Variants in SDK2 observed in about 807,000 individuals in gnomAD.
The protein encoded by SDK2 is sidekick cell adhesion molecule 2.
Under a neutral mutation model 253.9 loss-of-function variants are expected in SDK2, and 105 were observed. The observed-to-expected ratio is 0.41, with a 90% CI of 0.35 to 0.49. The LOEUF is 0.49. SDK2 is among the 20% of genes least tolerant of loss of function. The pLI is 0.06. For synonymous variants in SDK2, 1,249 were observed against 1,234.9 expected (o/e 1.01, Z -0.24); for missense variants, 2,608 against 3,003.0 (o/e 0.87, Z 3.07).
intron 1 of SDK2, among the ~76,000 whole-genome samples, chr17:73,528,057 G>A (rs2064140409): frequency 6.6e-6 from 1 of 152,146 alleles, no homozygotes; most frequent in Non-Finnish European, 1.5e-5. Flanking sequence ...ACCGCAGCTG[G>A]TTTGGAGAGA....
intron 1 of SDK2, among the ~76,000 whole-genome samples, chr17:73,576,724 A>G (rs144521146): frequency 6.6e-6 from 1 of 152,130 alleles, no homozygotes; most frequent in Non-Finnish European, 1.5e-5. Flanking sequence ...GCCAGTACCT[A>G]TAGGTCTCCC....
chr17:73,360,182 C>T (rs988667832), intron 39 of SDK2, among the ~76,000 whole-genome samples: 9 of 152,184 alleles, frequency 5.9e-5, no homozygotes, highest in Admixed American at 3.9e-4. Flanking sequence ...CAGCGCGGGG[C>T]GGGGCTGGAG....
chr17:73,483,278 G>A (rs900913045), intron 2 of SDK2, among the ~76,000 whole-genome samples: 6 of 150,850 alleles, frequency 4.0e-5, no homozygotes, highest in Non-Finnish European at 5.9e-5. Context: ...GGCGACCCGC[G>A]GACAACTCTG....
intron 29 of SDK2, among the ~76,000 whole-genome samples, chr17:73,389,775 A>C (rs768319670): frequency 5.3e-5 from 8 of 151,364 alleles, no homozygotes; most frequent in Non-Finnish European, 1.0e-4. Context: ...ATTTAGACAG[A>C]GTCTTGTTCT....
intron 33 of SDK2, 145 bp from the exon 34 acceptor site, chr17:73,381,095 C>T (rs1405718063): frequency 4.7e-6 from 3 of 635,598 alleles, no homozygotes; most frequent in Non-Finnish European, 5.7e-6. Context: ...TTCCAAATTT[C>T]CAATGCTGAG....
chr17:73,375,858 G>GA (rs1211045111), intron 36 of SDK2, among the ~76,000 whole-genome samples: 1 of 113,616 alleles, frequency 8.8e-6, no homozygotes, highest in East Asian at 4.5e-4. Context: ...TCCATCTCAG[G>GA]AAAAAAAAGA....
At chr17:73,444,445 G>A (rs777291420) in intron 5 of SDK2, among the ~76,000 whole-genome samples, 8 of 152,182 alleles carry the variant, frequency 5.3e-5, no homozygotes, top group Non-Finnish European at 7.4e-5. Context: ...GTGTCTTCCC[G>A]GTGAGCTCCT....
chr17:73,355,184 T>TTTTTTTTTTTTTTTTC (rs1568363079), intron 40 of SDK2, among the ~76,000 whole-genome samples: 5 of 44,770 alleles, frequency 1.1e-4, no homozygotes, highest in African/African-American at 9.3e-4. Flanking sequence ...ATTTTTTTTT[T>TTTTTTTTTTTTTTTTC]TTTTTTTTTT....
At chr17:73,634,409 A>G (rs1026520991) in intron 1 of SDK2, among the ~76,000 whole-genome samples, 1 of 152,252 alleles carries the variant, frequency 6.6e-6, no homozygotes, top group Non-Finnish European at 1.5e-5. Flanking sequence ...CAATGTTAAT[A>G]ACATTAATAC....
At position 73,443,040 on chromosome 17, in the gene SDK2, A is replaced by C. The variant is rs1470396784; in HGVS notation, c.614-2117T>G. On this transcript the variant is annotated intron_variant, in intron 5 of 44. Transcript: ENST00000392650. This position sits in a 1 kb window ranked among gnomAD's most constrained non-coding sequence, Gnocchi z 4.6. ...CTCTGAGGACTTTTTCTCCACAACA[A>C]ATCTATCCAGTTGGCCCCTTTCCAG... Among the ~76,000 whole-genome samples, 1 of 152,054 alleles carries C rather than the reference A, an allele frequency of 6.6e-6. No homozygotes were observed. The highest frequency in any genetic ancestry group is 1.9e-4 in the East Asian group (1 of 5,168).
intron 1 of SDK2, among the ~76,000 whole-genome samples, chr17:73,600,205 C>G (rs28702062): frequency 0.31 from 47,174 of 152,058 alleles, 7,926 homozygotes; most frequent in African/African-American, 0.45. Context: ...CTTCCTCGGT[C>G]CCATCCAGCA....
intron 1 of SDK2, among the ~76,000 whole-genome samples, chr17:73,557,010 G>A (rs1305351700): frequency 6.6e-6 from 1 of 152,228 alleles, no homozygotes; most frequent in South Asian, 2.1e-4. Flanking sequence ...GCTAGGCAAA[G>A]GCCACGCAGC....
chr17:73,436,078 A>G (rs2063365923), intron 8 of SDK2, among the ~76,000 whole-genome samples: 1 of 152,024 alleles, frequency 6.6e-6, no homozygotes, highest in Non-Finnish European at 1.5e-5. Flanking sequence ...TTATTGCAGT[A>G]CTTAGCAGAC....
Position 73,422,364 on chromosome 17 carries a change from A to G in SDK2, c.1968T>C (p.Val656=), listed in dbSNP as rs141747864. The G allele has an allele frequency of 6.2e-7, 1 of 1,613,978 alleles. No homozygotes were observed. The highest frequency in any genetic ancestry group is 8.5e-7 in the Non-Finnish European group (1 of 1,179,886). ...GACGGAACTGGTAGGAGCGTGCAGG[A>G]ACCAGGCCCTTGACTGTCACTGAGG... ...KATSVTVKGL[V]PARSYQFRLC... The change falls in exon 15 of 45, where the codon GTT becomes GTC. Residue 656 remains valine (V), a synonymous_variant. Coordinates refer to ENST00000392650, the MANE Select transcript of SDK2 (RefSeq NM_001144952.2).
chr17:73,526,509 A>C (rs1205638310), intron 1 of SDK2, among the ~76,000 whole-genome samples: 3 of 152,186 alleles, frequency 2.0e-5, no homozygotes, highest in Admixed American at 6.5e-5. Context: ...TCAATGAATC[A>C]ATGAATGAAT....
At chr17:73,510,649 A>G (rs1246198980) in intron 1 of SDK2, among the ~76,000 whole-genome samples, 1 of 152,006 alleles carries the variant, frequency 6.6e-6, no homozygotes, top group Non-Finnish European at 1.5e-5. Context: ...ACAGGCGTGC[A>G]CCACCAGCTA....
rs540820542 is a variant in SDK2, at chr17:73,379,949, C to T, written c.4763-400G>A. 6.6e-6 allele frequency among the ~76,000 whole-genome samples: 1 copy of T among 152,154 alleles called. No individual in the cohort carries two copies. Among genetic ancestry groups the T allele is most frequent in the South Asian group, 2.1e-4 (1 of 4,830 alleles). On this transcript the variant is annotated intron_variant, in intron 34 of 44. Transcript: ENST00000392650. This position sits in a 1 kb window ranked among gnomAD's most constrained non-coding sequence, Gnocchi z 4.5. ...CGTGACAGATGCCCAGAGTCCCCAT[C>T]CACCAACTCTTTACACAGCGGGGCT...
chr17:73,489,832 T>C (rs1292459567), intron 2 of SDK2, among the ~76,000 whole-genome samples: 2 of 152,184 alleles, frequency 1.3e-5, no homozygotes, highest in Non-Finnish European at 2.9e-5. Flanking sequence ...AATGTCTATT[T>C]CAACCTAGGT....
At chr17:73,345,254 G>T (rs2062472931) in intron 44 of SDK2, among the ~76,000 whole-genome samples, 1 of 152,022 alleles carries the variant, frequency 6.6e-6, no homozygotes, top group South Asian at 2.1e-4. Context: ...GGGAGGCAGA[G>T]ATTGCAGTGA....
Sources: gnomAD v4.1 joint callset for allele counts (sites outside exome capture counted in the v4.1 genomes callset) on GRCh38, gnomAD v4.1.1 for gene constraint, Gnocchi (gnomAD v3.1) non-coding constraint, MANE v1.5 for transcripts, NCBI Gene and HGNC (gene_info 2026-07-23, HGNC 2026-07-21) for gene names.